The following MDH1 variants were observed in gnomAD, a reference collection of about 807,000 sequenced individuals.
MDH1 encodes malate dehydrogenase, cytoplasmic.
MDH1 carries 15 observed loss-of-function variants against 38.7 expected under a neutral mutation model. The ratio of observed to expected loss-of-function variants is 0.39; its 90% confidence interval spans 0.26 to 0.60. The LOEUF (loss-of-function observed/expected upper bound fraction) is 0.60, where lower values mean the gene tolerates loss of function less well. Ranked by LOEUF, MDH1 falls within the 20% of genes least tolerant of loss-of-function variation. The probability of loss-of-function intolerance (pLI) is 0.56; values close to 1 mark genes in which losing one functional copy is unlikely to be tolerated. For missense variants in MDH1, 368 were observed against 405.2 expected, an observed-to-expected ratio of 0.91 and a Z score of 0.79; for synonymous variants, 144 against 143.6, an observed-to-expected ratio of 1.00 and a Z score of -0.02.
chr2:63,597,966 G>A (rs537971299), intron 4 of MDH1: 1 of 153,444 alleles, frequency 6.5e-6, no homozygotes, highest in East Asian at 1.9e-4. Context: ...AGAAGATAGT[G>A]GTTTCTGAAT....
In MDH1 at chr2:63,592,097, TG is replaced by T. The variant is rs1416724138; in HGVS notation, c.4-2390del. Among the ~76,000 whole-genome samples, 3 of 152,330 alleles carry T rather than the reference TG, an allele frequency of 2.0e-5. No homozygotes were observed. The East Asian group carries it at 5.8e-4, about 29-fold the overall frequency. On this transcript the variant is annotated intron_variant, in intron 1 of 8. Coordinates refer to ENST00000233114, the MANE Select transcript of MDH1 (RefSeq NM_005917.4). ...TTTTAGAAAATTGGTGTATCCTTTT[TG>T]TTTCCTTCACGTGATTCACCAATGG...
chr2:63,597,707 AGTTTT>A, intron 4 of MDH1, 133 bp downstream of exon 4: 1 of 763,132 alleles, frequency 1.3e-6, no homozygotes, highest in Non-Finnish European at 1.8e-6. Context: ...ACGGCTCTAG[AGTTTT>A]GCTTGATAAG....
chr2:63,604,276 C>T (rs1709485732), intron 5 of MDH1, among the ~76,000 whole-genome samples: 1 of 151,872 alleles, frequency 6.6e-6, no homozygotes, highest in Admixed American at 6.6e-5. Context: ...ATATAAAGTG[C>T]CTAAATACCT....
chr2:63,606,147 C>A, intron 8 of MDH1, 119 bp downstream of exon 8: 2 of 937,528 alleles, frequency 2.1e-6, no homozygotes, highest in Non-Finnish European at 3.4e-6. Flanking sequence ...TTTGGAAGGG[C>A]AAGGTGGCAA....
rs144561667 is a variant in MDH1 at position 63,607,163 on chromosome 2, G to C, written c.*176G>C. Reference sequence around the variant, plus strand: ...ATGACAGTTTATCGTCATGCTGTTAGTGTGCATTCTAAATAAATATATATT... The same window carrying C: ...ATGACAGTTTATCGTCATGCTGTTACTGTGCATTCTAAATAAATATATATT... On this transcript the variant is annotated 3_prime_UTR_variant, in exon 9 of 9. Transcript: ENST00000233114. 5.1e-4 allele frequency: 228 copies of C among 446,590 alleles called. No homozygotes were observed. Among genetic ancestry groups the C allele is most frequent in the Middle Eastern group, 4.4e-3 (7 of 1,586 alleles). The allele number at this position is 446,590 out of a possible 1,614,324, so 27.7% of individuals were successfully genotyped here.
chr2:63,595,816 C>T (rs572967207), intron 3 of MDH1, among the ~76,000 whole-genome samples: 7 of 152,044 alleles, frequency 4.6e-5, no homozygotes, highest in Admixed American at 3.9e-4. Flanking sequence ...AAATTGTCTA[C>T]ACACACACAC....
chr2:63,606,887 G>T lies in MDH1; in HGVS notation c.905G>T (p.Gly302Val), dbSNP rs1709542646. Residue 302 changes from glycine to valine, a missense_variant, in exon 9 of 9, where the codon GGT becomes GTT. By Grantham distance (109) the Gly-to-Val change is moderately radical. Transcript: ENST00000233114. ...AATAAGACCTGGAAGTTTGTTGAAG[G>T]TCTCCCTATTAATGATTTCTCACGT... ...IKNKTWKFVE[G>V]LPINDFSREK... is the part of the protein sequence containing the mutation. 2 of 1,611,178 alleles carry T rather than the reference G, an allele frequency of 1.2e-6. No homozygotes were observed. Among genetic ancestry groups the T allele is most frequent in the Non-Finnish European group, 1.7e-6 (2 of 1,178,248 alleles).
intron 7 of MDH1, among the ~76,000 whole-genome samples, 153 bp downstream of exon 7, chr2:63,605,546 C>T (rs986312779): frequency 3.3e-5 from 5 of 152,224 alleles, no homozygotes; most frequent in Non-Finnish European, 5.9e-5. Flanking sequence ...GTTTGTTAGC[C>T]TTGACCTTTC....
At chr2:63,597,177 G>C in intron 3 of MDH1, 1 of 601,180 alleles carries the variant, frequency 1.7e-6, no homozygotes, top group Non-Finnish European at 2.1e-6. Flanking sequence ...TGACATTTAA[G>C]TAATTATTGA....
Position 63,607,072 on chromosome 2 carries a change from T to C in MDH1, c.*85T>C. On this transcript the variant is annotated 3_prime_UTR_variant, in exon 9 of 9. Coordinates refer to ENST00000233114, the MANE Select transcript of MDH1 (RefSeq NM_005917.4). ...CAAGTACCAAATAATAATAATGCTATACTTAAATTACTTGTGAAAAACAAC... is the reference window on the plus strand; with the variant it reads ...CAAGTACCAAATAATAATAATGCTACACTTAAATTACTTGTGAAAAACAAC... 16 of 1,281,874 alleles carry C rather than the reference T, an allele frequency of 1.2e-5. No individual in the cohort carries two copies. The highest frequency in any genetic ancestry group is 1.5e-5 in the Non-Finnish European group (14 of 939,112). The allele number at this position is 1,281,874 out of a possible 1,614,324, so 79.4% of individuals were successfully genotyped here.
intron 7 of MDH1, 37 bp downstream of exon 7, chr2:63,605,430 T>A (rs1188849232): frequency 7.1e-6 from 10 of 1,406,386 alleles, no homozygotes; most frequent in Non-Finnish European, 9.1e-6. Flanking sequence ...CACTCTATTT[T>A]ATTTTTGTTG....
intron 8 of MDH1, among the ~76,000 whole-genome samples, chr2:63,606,442 C>A (rs1558864433): frequency 1.3e-5 from 2 of 152,264 alleles, no homozygotes; most frequent in East Asian, 3.9e-4. Context: ...AGACATTTTT[C>A]TCAGCTTTAA....
At chr2:63,598,896 C>CAAA (rs1333463606) in intron 4 of MDH1, among the ~76,000 whole-genome samples, 4 of 72,226 alleles carry the variant, frequency 5.5e-5, no homozygotes, top group African/African-American at 1.4e-4. Context: ...AAAGAGGTAC[C>CAAA]AAAAAAAAAA....
intron 4 of MDH1, 115 bp downstream of exon 4, chr2:63,597,689 C>T: frequency 1.1e-6 from 1 of 902,962 alleles, no homozygotes; most frequent in Non-Finnish European, 1.5e-6. Flanking sequence ...GTACAATCAT[C>T]AGTAAATACG....
At position 63,605,536 on chromosome 2, in the gene MDH1, G is replaced by A; in HGVS notation, c.789+143G>A. 1.5e-5 allele frequency: 10 copies of A among 654,714 alleles called. No homozygotes were observed. In the South Asian group the frequency reaches 2.0e-4, roughly 13 times the overall value. The allele number at this position is 654,714 out of a possible 1,614,324, so 40.6% of individuals were successfully genotyped here. A position where few individuals can be genotyped will look rare whatever the true frequency, so the allele number is the denominator to read the frequency against. On this transcript the variant is annotated intron_variant, in intron 7 of 8. Transcript: ENST00000233114. ...TGCCTATTAACAAGTAAACTTCGGG[G>A]TTTGTTAGCCTTGACCTTTCTGAGC...
At chr2:63,598,020 C>A (rs1709351030) in intron 4 of MDH1, 1 of 152,340 alleles carries the variant, frequency 6.6e-6, no homozygotes, top group South Asian at 2.1e-4. Flanking sequence ...ATGCTTGTCT[C>A]TTGAAGAATT....
intron 1 of MDH1, among the ~76,000 whole-genome samples, chr2:63,592,293 C>T (rs1394291949): frequency 6.6e-6 from 1 of 152,198 alleles, no homozygotes; most frequent in Admixed American, 6.5e-5. Flanking sequence ...CACTAAGTTT[C>T]CAGTTTTCTC....
At position 63,606,974 on chromosome 2, in the gene MDH1, T is replaced by C. The variant is rs14777; in HGVS notation, c.992T>C (p.Leu331Pro). ...TEEKESAFEFLSSA is the reference protein window; with the variant it reads ...TEEKESAFEFPSSA Reference sequence around the variant, plus strand: ...GAAAAAGAAAGTGCTTTTGAATTTCTTTCCTCTGCCTGACTAGACAATGAT... The same window carrying C: ...GAAAAAGAAAGTGCTTTTGAATTTCCTTCCTCTGCCTGACTAGACAATGAT... The change falls in exon 9 of 9, where the codon CTT (leucine) becomes CCT (proline). Residue 331 changes from leucine to proline, a missense_variant. Coordinates refer to ENST00000233114, the MANE Select transcript of MDH1 (RefSeq NM_005917.4). 2 of 1,612,000 alleles carry C rather than the reference T, an allele frequency of 1.2e-6. No individual in the cohort carries two copies. The highest frequency in any genetic ancestry group is 1.7e-5 in the Admixed American group (1 of 59,796).
chr2:63,603,159 C>T (rs1198842575), intron 5 of MDH1, among the ~76,000 whole-genome samples: 4 of 151,942 alleles, frequency 2.6e-5, no homozygotes, highest in Admixed American at 6.6e-5. Context: ...GGGGCTTCAC[C>T]GTGTTGGCCA....
Sources: gnomAD v4.1 joint callset for allele counts (sites outside exome capture counted in the v4.1 genomes callset) on GRCh38, gnomAD v4.1.1 for gene constraint, MANE v1.5 for transcripts, NCBI Gene and HGNC (gene_info 2026-07-23, HGNC 2026-07-21) for gene names.